NBAS: variants seen among roughly 807,000 people sequenced by gnomAD.
NBAS encodes NAG/BC035112 fusion.
A neutral mutation model predicts 302.5 loss-of-function variants in NBAS; 219 were observed. The observed-to-expected ratio is 0.72, with a 90% CI of 0.65 to 0.81. The LOEUF is 0.81. Ranked by LOEUF, NBAS falls within the 30% of genes least tolerant of loss-of-function variation. NBAS has a pLI of 0.00. For missense variants in NBAS, 2,932 were observed against 2,841.6 expected (o/e 1.03, Z -0.72); for synonymous variants, 1,118 against 1,021.6 (o/e 1.09, Z -1.80).
intron 23 of NBAS, among the ~76,000 whole-genome samples, chr2:15,418,032 C>T (rs1426056747): frequency 2.0e-5 from 3 of 152,094 alleles, no homozygotes; most frequent in Non-Finnish European, 4.4e-5. Context: ...ATTATATTTA[C>T]ATAATAAGAG....
At chr2:15,543,289 C>T (rs1209361411) in intron 6 of NBAS, among the ~76,000 whole-genome samples, 3 of 152,132 alleles carry the variant, frequency 2.0e-5, no homozygotes, top group African/African-American at 7.2e-5. Flanking sequence ...CATTCTTTCC[C>T]TAACACTCCA....
At chr2:15,255,900 T>C (rs913134456) in intron 44 of NBAS, among the ~76,000 whole-genome samples, 3 of 152,208 alleles carry the variant, frequency 2.0e-5, no homozygotes, top group Non-Finnish European at 2.9e-5. Context: ...TTCTGTTCCA[T>C]TGGTCTATAT....
chr2:15,356,933 C>T (rs1673648862), intron 32 of NBAS, among the ~76,000 whole-genome samples: 1 of 152,186 alleles, frequency 6.6e-6, no homozygotes. Flanking sequence ...CTCCTCTGAG[C>T]CTTACTGGGC....
chr2:15,028,579 T>C, the NBAS span, among the ~76,000 whole-genome samples: 1,004 of 152,350 alleles, frequency 6.6e-3, 5 homozygotes, highest in Non-Finnish European at 0.01. Context: ...CCCTGACCTA[T>C]GAGGCCCTGC....
chr2:14,886,402 T>G, the NBAS span, among the ~76,000 whole-genome samples: 5 of 152,226 alleles, frequency 3.3e-5, no homozygotes, highest in Non-Finnish European at 4.4e-5. Flanking sequence ...ATCTCCTGCG[T>G]GAAGCCTTCC....
the NBAS span, among the ~76,000 whole-genome samples, chr2:15,119,811 C>A: frequency 1.3e-5 from 2 of 152,154 alleles, no homozygotes; most frequent in African/African-American, 2.4e-5. Flanking sequence ...TGGGTCCCTG[C>A]TGCTTCATCA....
intron 48 of NBAS, among the ~76,000 whole-genome samples, chr2:15,210,169 T>A (rs12477786): frequency 0.19 from 28,894 of 151,692 alleles, 3,461 homozygotes; most frequent in East Asian, 0.46. Context: ...AAGGAAACAA[T>A]CAACAAAGTG....
intron 38 of NBAS, among the ~76,000 whole-genome samples, chr2:15,314,209 A>T (rs1313558494): frequency 6.6e-6 from 1 of 152,058 alleles, no homozygotes; most frequent in Non-Finnish European, 1.5e-5. Flanking sequence ...CAAAAAAACT[A>T]TCCAGACATG....
At chr2:15,287,908 C>T (rs1670125221) in intron 41 of NBAS, among the ~76,000 whole-genome samples, 1 of 151,416 alleles carries the variant, frequency 6.6e-6, no homozygotes, top group Non-Finnish European at 1.5e-5. Context: ...TCCTGAGCAC[C>T]CCGTGTAGGC....
At chr2:15,042,790 C>A in the NBAS span, among the ~76,000 whole-genome samples, 11 of 152,182 alleles carry the variant, frequency 7.2e-5, no homozygotes, top group Admixed American at 7.2e-4. Flanking sequence ...CTTCACACAC[C>A]AATTAATAAC....
chr2:15,378,296 G>C (rs534763527), intron 30 of NBAS, among the ~76,000 whole-genome samples: 1 of 152,270 alleles, frequency 6.6e-6, no homozygotes, highest in South Asian at 2.1e-4. Flanking sequence ...CTCAGACAAA[G>C]AGAAACAAAA....
chr2:15,486,593 C>T (rs906039038), intron 12 of NBAS, among the ~76,000 whole-genome samples: 3 of 152,188 alleles, frequency 2.0e-5, no homozygotes, highest in Admixed American at 2.0e-4. Flanking sequence ...CTGAATGCCT[C>T]TCTTCCTACT....
chr2:15,285,623 G>A (rs1197018418), intron 42 of NBAS, among the ~76,000 whole-genome samples: 2 of 152,142 alleles, frequency 1.3e-5, no homozygotes, highest in Non-Finnish European at 2.9e-5. Flanking sequence ...GGCTGTTTCA[G>A]TATGGATAAC....
rs201218082 is a variant in NBAS at position 15,398,090 on chromosome 2, C to CGTGTGT, written c.3072-1621_3072-1616dup. Among the ~76,000 whole-genome samples, 24 of 149,884 alleles carry CGTGTGT rather than the reference C, an allele frequency of 1.6e-4. 1 individual carries two copies. The highest frequency in any genetic ancestry group is 1.3e-3 in the South Asian group (6 of 4,720). ...ACTTCCCTTAACATACTCAGTCAGC[C>CGTGTGT]GTGTGTGTGTGTGTGTGTTTGTGTA... is the stretch of plus-strand genomic sequence containing the variant. On this transcript the variant is annotated intron_variant, in intron 26 of 51. Transcript: ENST00000281513.
At chr2:15,242,028 C>A (rs1474288614) in intron 44 of NBAS, among the ~76,000 whole-genome samples, 1 of 152,194 alleles carries the variant, frequency 6.6e-6, no homozygotes, top group Non-Finnish European at 1.5e-5. Context: ...ATTATCGAGA[C>A]ACTTGGAGTC....
At chr2:15,452,503 G>C (rs964736172) in intron 21 of NBAS, among the ~76,000 whole-genome samples, 3 of 151,394 alleles carry the variant, frequency 2.0e-5, no homozygotes, top group African/African-American at 7.3e-5. Context: ...CAGGAGAATG[G>C]CATGAACCCA....
At chr2:15,494,509 A>G (rs1680993234) in intron 11 of NBAS, among the ~76,000 whole-genome samples, 1 of 152,200 alleles carries the variant, frequency 6.6e-6, no homozygotes, top group Non-Finnish European at 1.5e-5. Flanking sequence ...AATTCCAACA[A>G]CATGTCTCAT....
chr2:14,868,407 A>G, the NBAS span, among the ~76,000 whole-genome samples: 3 of 152,206 alleles, frequency 2.0e-5, no homozygotes, highest in African/African-American at 7.2e-5. Context: ...CTAAAATTTC[A>G]CCATGGCAAC....
the NBAS span, among the ~76,000 whole-genome samples, chr2:15,027,276 A>AT: frequency 1.3e-3 from 203 of 152,260 alleles, no homozygotes; most frequent in Non-Finnish European, 2.5e-3. Flanking sequence ...GCTCAGGCTG[A>AT]TTTTATGTCT....
Sources: allele counts gnomAD v4.1 joint callset (sites outside exome capture counted in the v4.1 genomes callset), GRCh38; gene constraint gnomAD v4.1.1; transcripts MANE v1.5; gene names NCBI Gene and HGNC (gene_info 2026-07-23, HGNC 2026-07-21).